The following NIBAN2 variants were observed in gnomAD, a reference collection of about 807,000 sequenced individuals.
NIBAN2 encodes the protein niban apoptosis regulator 2, also known as protein Niban 2.
NIBAN2 carries 36 observed loss-of-function variants against 81.8 expected under a neutral mutation model. The observed-to-expected ratio is 0.44, with a 90% CI of 0.34 to 0.58. The LOEUF is 0.58. NIBAN2 is among the 20% of genes least tolerant of loss of function. The pLI, the probability that NIBAN2 is intolerant of heterozygous loss-of-function variation, is 0.02. For synonymous variants in NIBAN2, 445 were observed against 441.6 expected (o/e 1.01, Z -0.10); for missense variants, 897 against 1,014.1 (o/e 0.88, Z 1.57).
intron 1 of NIBAN2, among the ~76,000 whole-genome samples, chr9:127,566,226 T>TTGTTA (rs1491285715): frequency 6.6e-6 from 1 of 152,118 alleles, no homozygotes; most frequent in Non-Finnish European, 1.5e-5. Context: ...AAATTTGGGA[T>TTGTTA]TGTTAGGCCC....
rs200735091 is a variant in NIBAN2 at position 127,508,074 on chromosome 9, G to A, written c.1542+19C>T. 47 of 1,612,218 alleles carry A rather than the reference G, an allele frequency of 2.9e-5. 1 individual carries two copies. In the East Asian group the frequency reaches 9.8e-4, roughly 34 times the overall value. On this transcript the variant is annotated intron_variant, in intron 12 of 13. Transcript: ENST00000373312. The surrounding 1 kb of genome is among the most constrained non-coding windows in gnomAD (Gnocchi z 6.4). ...CCAACTTAGGGCCCAAACGGCTGGAGCAGGTGGGGGCTGCTCACCGACTTG... is the reference window on the plus strand; with the variant it reads ...CCAACTTAGGGCCCAAACGGCTGGAACAGGTGGGGGCTGCTCACCGACTTG...
chr9:127,568,608 C>T (rs2132243125), intron 1 of NIBAN2, among the ~76,000 whole-genome samples: 1 of 152,188 alleles, frequency 6.6e-6, no homozygotes, highest in East Asian at 1.9e-4. Context: ...CCCCTTGAGC[C>T]GGGAAAGGTG....
chr9:127,529,756 C>A (rs968848638), intron 2 of NIBAN2, among the ~76,000 whole-genome samples: 4 of 152,132 alleles, frequency 2.6e-5, no homozygotes, highest in Non-Finnish European at 5.9e-5. Flanking sequence ...CTAATAAAAA[C>A]CACTATTGTT....
At chr9:127,556,588 C>T (rs1462990082) in intron 1 of NIBAN2, among the ~76,000 whole-genome samples, 2 of 152,198 alleles carry the variant, frequency 1.3e-5, no homozygotes, top group African/African-American at 4.8e-5. Flanking sequence ...AATTTAATAA[C>T]CTTTACAATC....
chr9:127,576,508 C>G (rs1357666598), intron 1 of NIBAN2, among the ~76,000 whole-genome samples: 1 of 152,116 alleles, frequency 6.6e-6, no homozygotes, highest in African/African-American at 2.4e-5. Context: ...ATTGCAGGCT[C>G]CTGTGCTCAG....
chr9:127,544,999 C>T (rs578248966), intron 1 of NIBAN2, among the ~76,000 whole-genome samples: 3 of 152,294 alleles, frequency 2.0e-5, no homozygotes, highest in Admixed American at 6.5e-5. Context: ...GGTCCCATTG[C>T]CCTGTTAGTG....
At chr9:127,514,130 G>A (rs952953139) in intron 8 of NIBAN2, among the ~76,000 whole-genome samples, 5 of 152,116 alleles carry the variant, frequency 3.3e-5, no homozygotes, top group East Asian at 1.9e-4. Flanking sequence ...TTAGCCGGGC[G>A]TGGTGGTATG....
upstream of NIBAN2, among the ~76,000 whole-genome samples, chr9:127,572,780 C>T (rs978307444): frequency 2.0e-5 from 3 of 151,968 alleles, no homozygotes; most frequent in Non-Finnish European, 4.4e-5. Flanking sequence ...CACGGTGGCT[C>T]ACACTCATAA....
intron 1 of NIBAN2, among the ~76,000 whole-genome samples, chr9:127,577,569 C>T (rs1038093983): frequency 9.7e-5 from 14 of 143,966 alleles, no homozygotes; most frequent in Admixed American, 7.6e-4. Context: ...ACGCTTCCCA[C>T]ACCATCCTCC....
At chr9:127,513,953 T>G (rs1043366753) in intron 8 of NIBAN2, among the ~76,000 whole-genome samples, 1 of 152,138 alleles carries the variant, frequency 6.6e-6, no homozygotes, top group East Asian at 1.9e-4. Flanking sequence ...CAATAATAAT[T>G]TAATTGTACA....
chr9:127,511,004 A>AT (rs1431944538), intron 8 of NIBAN2, among the ~76,000 whole-genome samples: 2 of 151,826 alleles, frequency 1.3e-5, no homozygotes, highest in Non-Finnish European at 2.9e-5. Context: ...CCAAAAAGTA[A>AT]TTTTTCAGCC....
intron 8 of NIBAN2, among the ~76,000 whole-genome samples, chr9:127,513,985 C>G (rs1401681918): frequency 6.6e-6 from 1 of 152,152 alleles, no homozygotes; most frequent in Non-Finnish European, 1.5e-5. Context: ...CTAAAAGAGG[C>G]TGCACAGGTG....
Position 127,508,395 on chromosome 9 carries a change from T to G in NIBAN2, c.1434+27A>C, listed in dbSNP as rs759209762. The stretch of plus-strand genomic sequence containing the variant: ...CGGGGCTCGGCCTCGCCTAGGACGG[T>G]CCGGGGCAGGGCGTGGGGCCGCTCA... On this transcript the variant is annotated intron_variant, in intron 11 of 13. Transcript: ENST00000373312. The surrounding 1 kb of genome is among the most constrained non-coding windows in gnomAD (Gnocchi z 6.4). 9.9e-5 allele frequency: 155 copies of G among 1,558,140 alleles called. No homozygotes were observed. The highest frequency in any genetic ancestry group is 1.3e-4 in the Non-Finnish European group (152 of 1,138,530).
At chr9:127,575,924 T>C (rs1301341087) in intron 1 of NIBAN2, among the ~76,000 whole-genome samples, 1 of 152,172 alleles carries the variant, frequency 6.6e-6, no homozygotes, top group African/African-American at 2.4e-5. Flanking sequence ...AGGACATTTC[T>C]GCACCCTGCC....
rs778772284 is a variant in NIBAN2, at chr9:127,559,072, G to A, written c.55+9748C>T. ...CGCTGCCTCTTGAGATGGGCCGACT[G>A]AGTGCTGAAACCAACATACACTCTG... On this transcript the variant is annotated intron_variant, in intron 1 of 13. Coordinates refer to ENST00000373312, the MANE Select transcript of NIBAN2 (RefSeq NM_022833.4). The surrounding 1 kb of genome is among the most constrained non-coding windows in gnomAD (Gnocchi z 4.0). Among the ~76,000 whole-genome samples, 3 of 152,206 alleles carry A rather than the reference G, an allele frequency of 2.0e-5. No homozygotes were observed. Among genetic ancestry groups the A allele is most frequent in the Non-Finnish European group, 2.9e-5 (2 of 68,036 alleles).
chr9:127,530,941 G>A (rs1837167564), intron 2 of NIBAN2, among the ~76,000 whole-genome samples: 1 of 152,138 alleles, frequency 6.6e-6, no homozygotes, highest in Admixed American at 6.5e-5. Context: ...CACTTTTGGG[G>A]AGCTGAGGCT....
chr9:127,517,079 C>T lies in NIBAN2; in HGVS notation c.810+33G>A, dbSNP rs1333335348. On this transcript the variant is annotated intron_variant, in intron 7 of 13. Transcript: ENST00000373312. The surrounding 1 kb of genome is among the most constrained non-coding windows in gnomAD (Gnocchi z 4.0). ...GAGGGCACCGCACCAGCTGCAGGTC[C>T]CGTCCCCGCTCCAGGGCCCCAGGCC... The T allele has an allele frequency of 1.2e-6, 2 of 1,610,990 alleles. No homozygotes were observed. Among genetic ancestry groups the T allele is most frequent in the Non-Finnish European group, 1.7e-6 (2 of 1,177,862 alleles).
chr9:127,523,197 ATATATATATATATATATATAT>A lies in NIBAN2; in HGVS notation c.589+461_589+481del. On this transcript the variant is annotated intron_variant, in intron 5 of 13. Coordinates refer to ENST00000373312, the MANE Select transcript of NIBAN2 (RefSeq NM_022833.4). ...AAAAAAAAAAAAAAAAAAAAAATAT[ATATATATATATATATATATAT>A]ATATATATATATATATATATATATA... Among the ~76,000 whole-genome samples the A allele has an allele frequency of 4.2e-4, 2 of 4,720 alleles. 1 individual carries two copies. Among genetic ancestry groups the A allele is most frequent in the Non-Finnish European group, 7.4e-4 (2 of 2,698 alleles). 3.1% of individuals were successfully genotyped at this position (4,720 alleles called of 152,430 possible).
chr9:127,545,327 C>T lies in NIBAN2; in HGVS notation c.56-13549G>A, dbSNP rs1837451815. Among the ~76,000 whole-genome samples, 1 of 152,216 alleles carries T rather than the reference C, an allele frequency of 6.6e-6. No homozygotes were observed. Among genetic ancestry groups the T allele is most frequent in the Non-Finnish European group, 1.5e-5 (1 of 68,044 alleles). On this transcript the variant is annotated intron_variant, in intron 1 of 13. Transcript: ENST00000373312. The surrounding 1 kb of genome is among the most constrained non-coding windows in gnomAD (Gnocchi z 4.7). Reference sequence around the variant, plus strand: ...CCCTGGCCTGCTCCCCGGCACTCCCCTCAACCACAGTTAATGCCTCATCTG... The same window carrying T: ...CCCTGGCCTGCTCCCCGGCACTCCCTTCAACCACAGTTAATGCCTCATCTG...
Sources: gnomAD v4.1 joint callset for allele counts (sites outside exome capture counted in the v4.1 genomes callset) on GRCh38, gnomAD v4.1.1 for gene constraint, Gnocchi (gnomAD v3.1) non-coding constraint, MANE v1.5 for transcripts, NCBI Gene and HGNC (gene_info 2026-07-23, HGNC 2026-07-21) for gene names.